PROP1: variants seen among roughly 807,000 people sequenced by gnomAD.
PROP1 encodes PROP paired-like homeobox 1, also known as homeobox protein prophet of Pit-1.
In PROP1, 12 loss-of-function variants were observed where a neutral mutation model predicts 22.3. The observed-to-expected ratio is 0.54, with a 90% CI of 0.34 to 0.87. PROP1 has a LOEUF of 0.87. PROP1 is among the 40% of genes least tolerant of loss of function. PROP1 has a pLI of 0.01. For synonymous variants in PROP1, 112 were observed against 116.7 expected (o/e 0.96, Z 0.26); for missense variants, 278 against 295.1 (o/e 0.94, Z 0.43).
intron 2 of PROP1, among the ~76,000 whole-genome samples, chr5:177,993,272 G>C (rs1471586654): frequency 6.6e-6 from 1 of 152,238 alleles, no homozygotes; most frequent in Admixed American, 6.5e-5. Flanking sequence ...CTCGGGGCAA[G>C]TAAGAAGTGT....
In PROP1 at chr5:177,995,829, C is replaced by T. The variant is rs915021481; in HGVS notation, c.105G>A (p.Thr35=). 12 of 1,613,360 alleles carry T rather than the reference C, an allele frequency of 7.4e-6. No individual in the cohort carries two copies. Among genetic ancestry groups the T allele is most frequent in the South Asian group, 1.1e-5 (1 of 91,078 alleles). ...CACACCGGGACGGTCACTCACCCAC[C>T]GTGGTGGTCGGGGTCCCAGTGGCCG... ...RHPATGTPTT[T]VDSSAPPCRR... is the part of the protein sequence containing the mutation. Residue 35 remains threonine, a synonymous_variant, in exon 1 of 3, where the codon ACG becomes ACA. Transcript: ENST00000308304.
chr5:177,994,730 G>A (rs535768962), intron 1 of PROP1, among the ~76,000 whole-genome samples: 5 of 152,098 alleles, frequency 3.3e-5, no homozygotes, highest in East Asian at 1.9e-4. Flanking sequence ...CTGAGCCACC[G>A]CACCCAGCCC....
At chr5:177,994,543 T>G (rs970693595) in intron 1 of PROP1, among the ~76,000 whole-genome samples, 1 of 151,964 alleles carries the variant, frequency 6.6e-6, no homozygotes, top group Non-Finnish European at 1.5e-5. Context: ...GCTCCAGTGA[T>G]CCTACTGCCT....
intron 2 of PROP1, 74 bp downstream of exon 2, chr5:177,994,032 A>G: frequency 6.5e-7 from 1 of 1,532,964 alleles, no homozygotes; most frequent in Admixed American, 1.7e-5. Context: ...TAGGGTTATA[A>G]TGCCCAACAT....
chr5:177,992,819 A>T lies in PROP1; in HGVS notation c.571T>A (p.Ser191Thr). 5 of 1,610,086 alleles carry T rather than the reference A, an allele frequency of 3.1e-6. No homozygotes were observed. Among genetic ancestry groups the T allele is most frequent in the Non-Finnish European group, 4.2e-6 (5 of 1,178,034 alleles). Residue 191 changes from serine to threonine, a missense_variant, in exon 3 of 3, where the codon TCT becomes ACT. Coordinates refer to ENST00000308304, the MANE Select transcript of PROP1 (RefSeq NM_006261.5). ...TGCAAGGTAGGGTACCAGTCCTCAGACTGGTGTGACAAAGCAAAGGCGCCT... is the reference window on the plus strand; with the variant it reads ...TGCAAGGTAGGGTACCAGTCCTCAGTCTGGTGTGACAAAGCAAAGGCGCCT... ...TGGAFALSHQ[S>T]EDWYPTLHPA... is the part of the protein sequence containing the mutation.
Position 177,993,045 on chromosome 5 carries a change from G to T in PROP1, c.345C>A (p.Val115=). Residue 115 remains valine, a splice_region_variant and synonymous_variant, in exon 3 of 3, where the codon GTC becomes GTA. Coordinates refer to ENST00000308304, the MANE Select transcript of PROP1 (RefSeq NM_006261.5). ...GCTTAGCTCTGCGGTTCTGGAACCAGACCTGAGAAGGGGTAGGAACCACAT... is the reference window on the plus strand; with the variant it reads ...GCTTAGCTCTGCGGTTCTGGAACCATACCTGAGAAGGGGTAGGAACCACAT... ...DTGLSEARIQ[V]WFQNRRAKQR... 6.2e-7 allele frequency: 1 copy of T among 1,612,564 alleles called. No homozygotes were observed. Among genetic ancestry groups the T allele is most frequent in the Non-Finnish European group, 8.5e-7 (1 of 1,179,424 alleles).
chr5:177,995,880 G>C lies in PROP1; in HGVS notation c.54C>G (p.Gly18=). 1 of 1,614,028 alleles carries C rather than the reference G, an allele frequency of 6.2e-7. No individual in the cohort carries two copies. The highest frequency in any genetic ancestry group is 8.5e-7 in the Non-Finnish European group (1 of 1,180,042). ...QAEKPKKGRV[G]SNLLPERHPA... ...GGTGTCTCTCAGGCAACAGGTTGCT[G>C]CCGACTCGCCCCTTCTTTGGCTTCT... is the stretch of plus-strand genomic sequence containing the variant. The change falls in exon 1 of 3, where the codon GGC becomes GGG. Residue 18 remains glycine, a synonymous_variant. Transcript: ENST00000308304.
At position 177,992,499 on chromosome 5, in the gene PROP1, G is replaced by A; in HGVS notation, c.*210C>T. 1 of 574,734 alleles carries A rather than the reference G, an allele frequency of 1.7e-6. No individual in the cohort carries two copies. Among genetic ancestry groups the A allele is most frequent in the Non-Finnish European group, 3.1e-6 (1 of 323,848 alleles). The allele number at this position is 574,734 out of a possible 1,614,324, so 35.6% of individuals were successfully genotyped here. On this transcript the variant is annotated 3_prime_UTR_variant, in exon 3 of 3. Transcript: ENST00000308304. ...CAGCTCCACCGAGGCATCTTGCCCT[G>A]TCTCTTCCAGTAGCTCACCTCCCCA...
rs1018819886 is a variant in PROP1 at position 177,992,912 on chromosome 5, G to GTGC, written c.475_477dup (p.Ala159dup). ...GGGAAGCAGGTCACTGGTGGTGGTG[G>GTGC]TGCTGCGTAAGAATAGGGGCAAGCA... On this transcript the variant is annotated inframe_insertion, in exon 3 of 3. Transcript: ENST00000308304. The GTGC allele has an allele frequency of 1.2e-5, 19 of 1,613,738 alleles. 1 individual carries two copies. In the African/African-American group the frequency reaches 2.1e-4, roughly 18 times the overall value.
chr5:177,994,377 G>C, intron 1 of PROP1, 39 bp from the exon 2 acceptor site: 2 of 1,512,316 alleles, frequency 1.3e-6, no homozygotes, highest in Non-Finnish European at 1.8e-6. Flanking sequence ...TTCTGAGGAG[G>C]ACGCTCCTCG....
Position 177,992,588 on chromosome 5 carries a change from C to A in PROP1, c.*121G>T. 3 of 680,072 alleles carry A rather than the reference C, an allele frequency of 4.4e-6. No individual in the cohort carries two copies. The highest frequency in any genetic ancestry group is 4.9e-6 in the Non-Finnish European group (2 of 405,662). The allele number at this position is 680,072 out of a possible 1,614,324, so 42.1% of individuals were successfully genotyped here. ...GATCTCCCATTTTTAAATTTCTAAT[C>A]GCTGAGCTGACCCTCACCATGCATC... is the stretch of plus-strand genomic sequence containing the variant. On this transcript the variant is annotated 3_prime_UTR_variant, in exon 3 of 3. Coordinates refer to ENST00000308304, the MANE Select transcript of PROP1 (RefSeq NM_006261.5).
rs1755758032 is a variant in PROP1, at chr5:177,995,941, C to T, written c.-8G>A. On this transcript the variant is annotated 5_prime_UTR_variant, in exon 1 of 3. Transcript: ENST00000308304. Reference sequence around the variant, plus strand: ...CCTCCTTTCTGCTTCCATGGCTCGCCACGGGGACCAAGTGTCCCTGAATCT... The same window carrying T: ...CCTCCTTTCTGCTTCCATGGCTCGCTACGGGGACCAAGTGTCCCTGAATCT... 1 of 1,610,398 alleles carries T rather than the reference C, an allele frequency of 6.2e-7. No homozygotes were observed. The highest frequency in any genetic ancestry group is 8.5e-7 in the Non-Finnish European group (1 of 1,177,628).
intron 1 of PROP1, among the ~76,000 whole-genome samples, chr5:177,994,750 G>C (rs73807329): frequency 6.6e-6 from 1 of 151,974 alleles, no homozygotes; most frequent in African/African-American, 2.4e-5. Context: ...CTGCCCCACC[G>C]GGAATCTTTT....
chr5:177,993,637 C>T lies in PROP1; in HGVS notation c.342+469G>A, dbSNP rs140796736. On this transcript the variant is annotated intron_variant, in intron 2 of 2. Transcript: ENST00000308304. Reference sequence around the variant, plus strand: ...AGTGCAGTGGCATGATCTTGGCTCACTGCAACCTCCACCTCCCGGGTTCAA... The same window carrying T: ...AGTGCAGTGGCATGATCTTGGCTCATTGCAACCTCCACCTCCCGGGTTCAA... Among the ~76,000 whole-genome samples the T allele has an allele frequency of 6.1e-3, 928 of 151,834 alleles. 5 individuals carry two copies. Among genetic ancestry groups the T allele is most frequent in the African/African-American group, 0.022 (890 of 41,388 alleles).
Position 177,995,984 on chromosome 5 carries a change from T to C in PROP1, c.-51A>G. 4.6e-6 allele frequency: 7 copies of C among 1,517,464 alleles called. No homozygotes were observed. Among genetic ancestry groups the C allele is most frequent in the Non-Finnish European group, 6.4e-6 (7 of 1,097,318 alleles). 94.0% of individuals were successfully genotyped at this position (1,517,464 alleles called of 1,614,324 possible). On this transcript the variant is annotated 5_prime_UTR_variant, in exon 1 of 3. Coordinates refer to ENST00000308304, the MANE Select transcript of PROP1 (RefSeq NM_006261.5). ...CTGAATCTCTGACTTGAGATTTCTC[T>C]GCTTCCGCAGCTCCTCTCCACACCT...
Position 177,995,839 on chromosome 5 carries a change from G to C in PROP1, c.95C>G (p.Pro32Arg). 6.2e-7 allele frequency: 1 copy of C among 1,613,680 alleles called. No homozygotes were observed. The highest frequency in any genetic ancestry group is 2.2e-5 in the East Asian group (1 of 44,876). Residue 32 changes from proline to arginine, a missense_variant, in exon 1 of 3, where the codon CCG becomes CGG. Coordinates refer to ENST00000308304, the MANE Select transcript of PROP1 (RefSeq NM_006261.5). ...LPERHPATGT[P>R]TTTVDSSAPP... ...CGGTCACTCACCCACCGTGGTGGTC[G>C]GGGTCCCAGTGGCCGGGTGTCTCTC...
Position 177,992,864 on chromosome 5 carries a change from G to A in PROP1, c.526C>T (p.Pro176Ser), listed in dbSNP as rs1222594776. 1 of 1,613,208 alleles carries A rather than the reference G, an allele frequency of 6.2e-7. No individual in the cohort carries two copies. The highest frequency in any genetic ancestry group is 1.7e-4 in the Middle Eastern group (1 of 5,956). The change falls in exon 3 of 3, where the codon CCT (proline) becomes TCT (serine). Residue 176 changes from proline (P) to serine (S), a missense_variant. By Grantham distance (74) the Pro-to-Ser change is moderately conservative. Coordinates refer to ENST00000308304, the MANE Select transcript of PROP1 (RefSeq NM_006261.5). Reference sequence around the variant, plus strand: ...GCGCCTCCTGTGGAGGGCTGGGAAGGGAGGGCATGGCTGTAGGGGTGAGGG... The same window carrying A: ...GCGCCTCCTGTGGAGGGCTGGGAAGAGAGGGCATGGCTGTAGGGGTGAGGG... ...CFPHPYSHALPSQPSTGGAFA... is the reference protein window; with the variant it reads ...CFPHPYSHALSSQPSTGGAFA...
chr5:177,994,474 G>A, intron 1 of PROP1, 136 bp from the exon 2 acceptor site: 1 of 756,236 alleles, frequency 1.3e-6, no homozygotes, highest in Admixed American at 2.9e-5. Flanking sequence ...GTCTTGCTCT[G>A]TCTCCCAGAC....
intron 2 of PROP1, 29 bp from the exon 3 acceptor site, chr5:177,993,076 C>T (rs374791013): frequency 1.6e-4 from 255 of 1,588,048 alleles, no homozygotes; most frequent in Non-Finnish European, 2.1e-4. Context: ...CACATCAGAG[C>T]CCACACTTGA....
Sources: allele counts gnomAD v4.1 joint callset (sites outside exome capture counted in the v4.1 genomes callset), GRCh38; gene constraint gnomAD v4.1.1; transcripts MANE v1.5; gene names NCBI Gene and HGNC (gene_info 2026-07-23, HGNC 2026-07-21).